Variants in GALNT2 observed in about 807,000 individuals in gnomAD.
GALNT2 encodes the protein polypeptide N-acetylgalactosaminyltransferase 2.
In GALNT2, 31 loss-of-function variants were observed where a neutral mutation model predicts 81.4. The ratio of observed to expected loss-of-function variants is 0.38; its 90% CI spans 0.29 to 0.51. The LOEUF is 0.51. GALNT2 is among the 20% of genes least tolerant of loss of function. GALNT2 has a pLI of 0.87. For synonymous variants in GALNT2, 303 were observed against 287.4 expected (o/e 1.05, Z -0.55); for missense variants, 629 against 765.7 (o/e 0.82, Z 2.11).
intron 1 of GALNT2, among the ~76,000 whole-genome samples, chr1:230,114,569 A>G (rs1660791457): frequency 6.6e-6 from 1 of 152,210 alleles, no homozygotes; most frequent in Admixed American, 6.5e-5. Context: ...AACAGGGGAA[A>G]CAGCGTTGGC....
At chr1:230,204,435 C>T (rs1664000879) in intron 3 of GALNT2, among the ~76,000 whole-genome samples, 1 of 152,234 alleles carries the variant, frequency 6.6e-6, no homozygotes, top group Non-Finnish European at 1.5e-5. Context: ...TCCCAAAGTG[C>T]TGGGATTACA....
chr1:230,163,431 G>A lies in GALNT2; in HGVS notation c.127-14787G>A, dbSNP rs367922051. 9.8e-5 allele frequency among the ~76,000 whole-genome samples: 15 copies of A among 152,350 alleles called. No homozygotes were observed. In the South Asian group the frequency reaches 1.4e-3, roughly 15 times the overall value. On this transcript the variant is annotated intron_variant, in intron 1 of 15. Transcript: ENST00000366672. ...CTCCGGCGATCTCTCATGCTTTAGC[G>A]TTTCCAGCTGTATGAGGGAGGTGTG...
chr1:230,113,588 C>CT (rs1378702852), intron 1 of GALNT2, among the ~76,000 whole-genome samples: 1 of 152,090 alleles, frequency 6.6e-6, no homozygotes, highest in African/African-American at 2.4e-5. Context: ...ATGCAAAGTG[C>CT]TCAAGAAGTG....
intron 6 of GALNT2, among the ~76,000 whole-genome samples, chr1:230,240,556 C>G (rs1395712083): frequency 6.6e-6 from 1 of 152,202 alleles, no homozygotes; most frequent in Non-Finnish European, 1.5e-5. Flanking sequence ...TGTGCCACTG[C>G]ACTCCAGCTT....
chr1:230,233,357 G>A (rs1443074575), intron 3 of GALNT2, among the ~76,000 whole-genome samples: 1 of 152,212 alleles, frequency 6.6e-6, no homozygotes, highest in Non-Finnish European at 1.5e-5. Context: ...GCTCACGCCT[G>A]TAATCCCAAC....
intron 2 of GALNT2, among the ~76,000 whole-genome samples, chr1:230,197,651 A>G (rs1206386893): frequency 1.3e-5 from 2 of 152,172 alleles, no homozygotes; most frequent in Non-Finnish European, 2.9e-5. Context: ...TAGTTGTTAT[A>G]ACAACCCCAG....
At chr1:230,174,944 T>G (rs80027811) in intron 1 of GALNT2, among the ~76,000 whole-genome samples, 1 of 152,200 alleles carries the variant, frequency 6.6e-6, no homozygotes, top group Non-Finnish European at 1.5e-5. Flanking sequence ...ACAGCCTTCC[T>G]GGGGGCCCTG....
chr1:230,167,092 CT>C lies in GALNT2; in HGVS notation c.127-11114del, dbSNP rs59484402. On this transcript the variant is annotated intron_variant, in intron 1 of 15. Transcript: ENST00000366672. ...GCTCTTTGCATATCATTCTGAGACT[CT>C]TTTTTTTTTTTCTTGGAGATGCTCT... 4.3e-4 allele frequency among the ~76,000 whole-genome samples: 64 copies of C among 147,222 alleles called. No individual in the cohort carries two copies. The South Asian group carries it at 6.4e-3, about 15-fold the overall frequency.
intron 3 of GALNT2, among the ~76,000 whole-genome samples, chr1:230,208,360 G>A (rs1664130376): frequency 6.6e-6 from 1 of 152,164 alleles, no homozygotes; most frequent in Non-Finnish European, 1.5e-5. Context: ...CTGGCACAAG[G>A]GAAGACCTGC....
chr1:230,222,335 C>T (rs1422615142), intron 3 of GALNT2, among the ~76,000 whole-genome samples: 1 of 152,106 alleles, frequency 6.6e-6, no homozygotes, highest in Non-Finnish European at 1.5e-5. Flanking sequence ...CTGCTTTCCT[C>T]TGCACTCCCC....
In GALNT2 at chr1:230,114,633, G is replaced by A. The variant is rs11122326; in HGVS notation, c.126+47227G>A. On this transcript the variant is annotated intron_variant, in intron 1 of 15. Coordinates refer to ENST00000366672, the MANE Select transcript of GALNT2 (RefSeq NM_004481.5). ...TCGTAAGTCCTGGATGCCACCCGGC[G>A]AACTGGCCTGCGGGCTGGAAATGAT... 7.0e-3 allele frequency among the ~76,000 whole-genome samples: 1,068 copies of A among 152,190 alleles called. 17 individuals are homozygous for A. Among genetic ancestry groups the A allele is most frequent in the African/African-American group, 0.024 (1,002 of 41,510 alleles).
chr1:230,215,889 A>T (rs1377635239), intron 3 of GALNT2, among the ~76,000 whole-genome samples: 15 of 152,240 alleles, frequency 9.9e-5, no homozygotes, highest in Non-Finnish European at 1.2e-4. Context: ...ATCAGCTTTA[A>T]GTAAAGAATG....
intron 11 of GALNT2, among the ~76,000 whole-genome samples, chr1:230,261,084 T>C (rs1039356275): frequency 2.7e-4 from 38 of 142,406 alleles, no homozygotes; most frequent in African/African-American, 7.7e-4. Flanking sequence ...AGTTTCTCTT[T>C]TTTTTTTTTT....
chr1:230,089,906 C>T (rs1384327550), intron 1 of GALNT2, among the ~76,000 whole-genome samples: 3 of 152,168 alleles, frequency 2.0e-5, no homozygotes, highest in African/African-American at 7.2e-5. Flanking sequence ...TTTGGGAGTA[C>T]ACCTGGTGGA....
chr1:230,245,958 C>T (rs1324413506), intron 7 of GALNT2, 105 bp from the exon 8 acceptor site: 5 of 899,222 alleles, frequency 5.6e-6, no homozygotes, highest in Non-Finnish European at 7.5e-6. Flanking sequence ...TAGTAAGGGC[C>T]AGTTGGGTTT....
At chr1:230,089,080 T>C (rs1050379620) in intron 1 of GALNT2, among the ~76,000 whole-genome samples, 5 of 151,846 alleles carry the variant, frequency 3.3e-5, no homozygotes, top group African/African-American at 1.2e-4. Flanking sequence ...GTATCAACTT[T>C]CCCCCCCGAC....
intron 1 of GALNT2, among the ~76,000 whole-genome samples, chr1:230,122,896 G>C (rs1661062220): frequency 6.6e-6 from 1 of 152,156 alleles, no homozygotes; most frequent in African/African-American, 2.4e-5. Context: ...GTTGTGGCCT[G>C]TCGTCTCTTG....
At chr1:230,107,898 G>A (rs1318208946) in intron 1 of GALNT2, among the ~76,000 whole-genome samples, 1 of 152,172 alleles carries the variant, frequency 6.6e-6, no homozygotes, top group African/African-American at 2.4e-5. Context: ...GAGAATCCTA[G>A]GCCACCTTGC....
Position 230,167,961 on chromosome 1 carries a change from A to ACGC in GALNT2, c.127-10256_127-10255insGCC, listed in dbSNP as rs3032421. Among the ~76,000 whole-genome samples, 34 of 151,630 alleles carry ACGC rather than the reference A, an allele frequency of 2.2e-4. 1 individual carries two copies. The highest frequency in any genetic ancestry group is 1.0e-3 in the Admixed American group (16 of 15,264). ...CACATGGGAAATAATTTTCTAAAATACCCCCCCCTTTTTTTTGTAAAGAGA... is the reference window on the plus strand; with the variant it reads ...CACATGGGAAATAATTTTCTAAAATACGCCCCCCCCCTTTTTTTTGTAAAGAGA... On this transcript the variant is annotated intron_variant, in intron 1 of 15. Coordinates refer to ENST00000366672, the MANE Select transcript of GALNT2 (RefSeq NM_004481.5).
Sources: allele counts gnomAD v4.1 joint callset (sites outside exome capture counted in the v4.1 genomes callset), GRCh38; gene constraint gnomAD v4.1.1; transcripts MANE v1.5; gene names NCBI Gene and HGNC (gene_info 2026-07-23, HGNC 2026-07-21).